Variants in ACTR3B observed in about 807,000 individuals in gnomAD.
The protein encoded by ACTR3B is actin related protein 3B, also known as actin-related protein 3B.
A neutral mutation model predicts 59.0 loss-of-function variants in ACTR3B; 8 were observed. The observed-to-expected ratio is 0.14, with a 90% CI of 0.08 to 0.24. The LOEUF (loss-of-function observed/expected upper bound fraction) is 0.24, where lower values mean the gene tolerates loss of function less well. ACTR3B is among the 10% of genes least tolerant of loss of function. The pLI is 1.00. For synonymous variants in ACTR3B, 148 were observed against 197.9 expected (o/e 0.75, Z 2.12); for missense variants, 245 against 552.3 (o/e 0.44, Z 5.58).
chr7:152,784,423 T>A (rs2116623425), intron 2 of ACTR3B, among the ~76,000 whole-genome samples: 1 of 152,250 alleles, frequency 6.6e-6, no homozygotes, highest in Middle Eastern at 3.4e-3. Context: ...CCAGATTCTT[T>A]GAGAACATTT....
intron 9 of ACTR3B, among the ~76,000 whole-genome samples, chr7:152,827,381 G>A (rs1311898193): frequency 6.6e-6 from 1 of 152,078 alleles, no homozygotes; most frequent in Non-Finnish European, 1.5e-5. Flanking sequence ...TGAATGTCCT[G>A]GGGCTGGCCA....
At chr7:152,760,380 C>T (rs1392984457) in intron 1 of ACTR3B, among the ~76,000 whole-genome samples, 1 of 152,256 alleles carries the variant, frequency 6.6e-6, no homozygotes, top group Non-Finnish European at 1.5e-5. Flanking sequence ...GTGTCCCTGC[C>T]TTCCAGCGTT....
intron 6 of ACTR3B, among the ~76,000 whole-genome samples, chr7:152,817,795 G>C (rs574480840): frequency 2.6e-5 from 4 of 152,202 alleles, no homozygotes; most frequent in Non-Finnish European, 5.9e-5. Context: ...TAATTTAATT[G>C]AAAAAATGGT....
intron 9 of ACTR3B, among the ~76,000 whole-genome samples, chr7:152,839,024 ACTTGCGACCTGG>A (rs1222597110): frequency 6.6e-6 from 1 of 151,578 alleles, no homozygotes; most frequent in Non-Finnish European, 1.5e-5. Context: ...GCATTGTTTG[ACTTGCGACCTGG>A]CAGGGAGCAT....
chr7:152,822,113 G>A (rs1365708922), intron 7 of ACTR3B, among the ~76,000 whole-genome samples: 1 of 152,232 alleles, frequency 6.6e-6, no homozygotes. Flanking sequence ...GTTTCTCTGT[G>A]TCATCAAAGA....
At chr7:152,832,150 G>A (rs986479741) in intron 9 of ACTR3B, among the ~76,000 whole-genome samples, 8 of 152,148 alleles carry the variant, frequency 5.3e-5, no homozygotes, top group Non-Finnish European at 1.2e-4. Flanking sequence ...CCAGAGCATA[G>A]GTGAGAGCTT....
intron 4 of ACTR3B, chr7:152,811,216 C>T (rs1795206632): frequency 1.4e-5 from 2 of 147,984 alleles, no homozygotes; most frequent in Admixed American, 6.8e-5. Context: ...AGTTGAATTT[C>T]CCATTTGTAT....
intron 10 of ACTR3B, 149 bp from the exon 11 acceptor site, chr7:152,853,345 G>T: frequency 1.5e-6 from 1 of 669,098 alleles, no homozygotes; most frequent in Non-Finnish European, 2.7e-6. Flanking sequence ...CAGCAGGGGC[G>T]GAGAGTCACT....
intron 10 of ACTR3B, among the ~76,000 whole-genome samples, chr7:152,852,742 C>T (rs1244347837): frequency 6.6e-6 from 1 of 152,112 alleles, no homozygotes; most frequent in East Asian, 1.9e-4. Flanking sequence ...GCAGTGGGCG[C>T]AAGGAAGAGA....
chr7:152,850,601 C>G (rs755076401), intron 9 of ACTR3B, among the ~76,000 whole-genome samples: 1 of 152,250 alleles, frequency 6.6e-6, no homozygotes, highest in South Asian at 2.1e-4. Flanking sequence ...AATCCTGAGT[C>G]CACGTGGGTG....
intron 2 of ACTR3B, among the ~76,000 whole-genome samples, chr7:152,788,411 G>GTTT (rs1194612264): frequency 2.0e-4 from 26 of 130,818 alleles, no homozygotes; most frequent in East Asian, 2.2e-4. Context: ...ATGTTCTAAA[G>GTTT]TTTTTTTTTT....
At position 152,836,205 on chromosome 7, in the gene ACTR3B, A is replaced by G. The variant is rs1003091230; in HGVS notation, c.951+11083A>G. On this transcript the variant is annotated intron_variant, in intron 9 of 11. Transcript: ENST00000256001. ...GACTTTAGATTTGAAGACCAACTCT[A>G]TAATCTTACTGAAAGAAGTATTTCA... Among the ~76,000 whole-genome samples, 73 of 152,344 alleles carry G rather than the reference A, an allele frequency of 4.8e-4. 1 individual carries two copies. The highest frequency in any genetic ancestry group is 1.6e-3 in the African/African-American group (68 of 41,568).
At chr7:152,771,627 C>T (rs1035625814) in intron 1 of ACTR3B, among the ~76,000 whole-genome samples, 2 of 152,136 alleles carry the variant, frequency 1.3e-5, no homozygotes, top group Non-Finnish European at 2.9e-5. Context: ...CTGAAGAGAA[C>T]AGAGTGTGTG....
chr7:152,822,408 A>C (rs1160343323), intron 7 of ACTR3B, among the ~76,000 whole-genome samples: 1 of 152,140 alleles, frequency 6.6e-6, no homozygotes, highest in East Asian at 1.9e-4. Flanking sequence ...ATCAACACAA[A>C]GGTGTCCAAG....
chr7:152,779,051 T>C, intron 1 of ACTR3B, among the ~76,000 whole-genome samples: 1 of 145,816 alleles, frequency 6.9e-6, no homozygotes, highest in African/African-American at 2.5e-5. Context: ...AGACATATCG[T>C]GCTAAATGTG....
At chr7:152,807,249 T>C (rs2098255156) in intron 4 of ACTR3B, among the ~76,000 whole-genome samples, 1 of 152,348 alleles carries the variant, frequency 6.6e-6, no homozygotes. Flanking sequence ...ATGGGACTTT[T>C]TATAGTCTTA....
intron 6 of ACTR3B, among the ~76,000 whole-genome samples, chr7:152,817,104 G>C (rs1795757538): frequency 6.6e-6 from 1 of 151,512 alleles, no homozygotes; most frequent in African/African-American, 2.4e-5. Context: ...TTATTTAAGG[G>C]CTGGGCGCGG....
intron 9 of ACTR3B, among the ~76,000 whole-genome samples, chr7:152,834,816 C>T (rs1340257397): frequency 6.6e-6 from 1 of 152,190 alleles, no homozygotes; most frequent in East Asian, 1.9e-4. Flanking sequence ...ATTTGAGAAT[C>T]TGCTGGCGAG....
At chr7:152,846,055 T>C (rs1347722059) in intron 9 of ACTR3B, among the ~76,000 whole-genome samples, 1 of 152,270 alleles carries the variant, frequency 6.6e-6, no homozygotes, top group African/African-American at 2.4e-5. Flanking sequence ...TTCTGAACTT[T>C]TAGGAATCTC....
Sources: gnomAD v4.1 joint callset for allele counts (sites outside exome capture counted in the v4.1 genomes callset) on GRCh38, gnomAD v4.1.1 for gene constraint, MANE v1.5 for transcripts, NCBI Gene and HGNC (gene_info 2026-07-23, HGNC 2026-07-21) for gene names.